CDH4: variants seen among roughly 807,000 people sequenced by gnomAD.
CDH4 encodes the protein cadherin-4.
Under a neutral mutation model 86.0 loss-of-function variants are expected in CDH4, and 33 were observed. The observed-to-expected ratio is 0.38, with a 90% CI of 0.29 to 0.51. CDH4 has a LOEUF of 0.51. Ranked by LOEUF, CDH4 falls within the 20% of genes least tolerant of loss-of-function variation. The pLI is 0.86. For synonymous variants in CDH4, 555 were observed against 549.4 expected, an observed-to-expected ratio of 1.01 and a Z score of -0.14; for missense variants, 1,114 against 1,307.4, an observed-to-expected ratio of 0.85 and a Z score of 2.28.
At chr20:61,549,641 G>A (rs747074963) in intron 2 of CDH4, among the ~76,000 whole-genome samples, 5 of 152,310 alleles carry the variant, frequency 3.3e-5, no homozygotes, top group South Asian at 4.1e-4. Context: ...GGGAAAGGAC[G>A]TCAAGCACGT....
intron 2 of CDH4, among the ~76,000 whole-genome samples, chr20:61,539,948 C>T (rs1171089777): frequency 6.6e-6 from 1 of 152,210 alleles, no homozygotes; most frequent in East Asian, 1.9e-4. Context: ...CACCACATTC[C>T]CTGTCCAATT....
intron 2 of CDH4, among the ~76,000 whole-genome samples, chr20:61,526,618 A>G (rs926793034): frequency 1.3e-5 from 2 of 150,318 alleles, no homozygotes; most frequent in African/African-American, 2.4e-5. Flanking sequence ...ATCTAGCATT[A>G]GGTATATCTC....
At chr20:61,908,608 C>T (rs543824408) in intron 8 of CDH4, among the ~76,000 whole-genome samples, 2 of 152,316 alleles carry the variant, frequency 1.3e-5, no homozygotes, top group East Asian at 1.9e-4. Context: ...GCCCGACGCC[C>T]GTTTCCCACC....
intron 4 of CDH4, among the ~76,000 whole-genome samples, chr20:61,806,622 T>C (rs1980149741): frequency 6.6e-6 from 1 of 152,176 alleles, no homozygotes; most frequent in African/African-American, 2.4e-5. Flanking sequence ...GTGGGGGCTG[T>C]AGCAGAGGCC....
At chr20:61,449,455 T>C (rs2085368644) in intron 2 of CDH4, among the ~76,000 whole-genome samples, 1 of 152,254 alleles carries the variant, frequency 6.6e-6, no homozygotes, top group Non-Finnish European at 1.5e-5. Context: ...CAGCCTGCCT[T>C]CTAGTCTCTC....
chr20:61,394,310 T>G (rs945161729), intron 2 of CDH4, among the ~76,000 whole-genome samples: 1 of 152,130 alleles, frequency 6.6e-6, no homozygotes. Flanking sequence ...CTCCCGCCCC[T>G]GCCTGTCCCT....
rs1056430481 is a variant in CDH4 at position 61,257,613 on chromosome 20, A to G, written c.169+2676A>G. ...CTTTTGTTTTTAGGATAATTCACTT[A>G]TGGCCCTGATCACTGATGCATGGCC... On this transcript the variant is annotated intron_variant, in intron 2 of 15. Transcript: ENST00000614565. Among the ~76,000 whole-genome samples the G allele has an allele frequency of 1.2e-4, 18 of 152,362 alleles. No individual in the cohort carries two copies. In the East Asian group the frequency reaches 3.5e-3, roughly 29 times the overall value.
At chr20:61,329,617 C>T (rs2084560501) in intron 2 of CDH4, among the ~76,000 whole-genome samples, 1 of 151,278 alleles carries the variant, frequency 6.6e-6, no homozygotes, top group Non-Finnish European at 1.5e-5. Flanking sequence ...CTGAGTGAGC[C>T]TGTGCTCTCC....
chr20:61,332,328 C>G (rs188374391), intron 2 of CDH4, among the ~76,000 whole-genome samples: 16 of 152,328 alleles, frequency 1.1e-4, no homozygotes, highest in African/African-American at 3.4e-4. Flanking sequence ...CAGGCTGTTT[C>G]CCTAGAGAGT....
intron 2 of CDH4, among the ~76,000 whole-genome samples, chr20:61,291,800 AAC>A (rs1429079099): frequency 1.3e-5 from 2 of 152,118 alleles, no homozygotes; most frequent in Non-Finnish European, 2.9e-5. Context: ...CACACAGGTT[AAC>A]ACGTGTCACA....
At chr20:61,595,715 C>A (rs1349423674) in intron 2 of CDH4, among the ~76,000 whole-genome samples, 18 of 152,162 alleles carry the variant, frequency 1.2e-4, no homozygotes, top group Admixed American at 1.2e-3. Context: ...AGAGGCGGCC[C>A]GTCTGTCTAA....
intron 2 of CDH4, among the ~76,000 whole-genome samples, chr20:61,467,587 T>A (rs530668891): frequency 6.6e-6 from 1 of 152,346 alleles, no homozygotes; most frequent in Non-Finnish European, 1.5e-5. Context: ...CATCCCTGCC[T>A]CCACTATTTA....
Position 61,785,567 on chromosome 20 carries a change from G to T in CDH4, c.576+12385G>T, listed in dbSNP as rs902641723. On this transcript the variant is annotated intron_variant, in intron 4 of 15. Coordinates refer to ENST00000614565, the MANE Select transcript of CDH4 (RefSeq NM_001794.5). ...GGTGCACAGAGCCCTCACCCAGCTG[G>T]ATAGGGCCCTCACCCAGGTGCGCAG... Among the ~76,000 whole-genome samples, 14 of 151,888 alleles carry T rather than the reference G, an allele frequency of 9.2e-5. 1 individual carries two copies. In the East Asian group the frequency reaches 2.7e-3, roughly 30 times the overall value.
chr20:61,822,679 T>A (rs1227971423), intron 4 of CDH4, among the ~76,000 whole-genome samples: 3 of 152,156 alleles, frequency 2.0e-5, no homozygotes, highest in African/African-American at 7.2e-5. Flanking sequence ...AGCATCTGCA[T>A]AAGTACTTCT....
chr20:61,894,830 G>A (rs1985023642), intron 7 of CDH4, 80 bp from the exon 8 acceptor site: 8 of 1,475,182 alleles, frequency 5.4e-6, no homozygotes, highest in Middle Eastern at 1.8e-4. Flanking sequence ...TCCTGTAAAC[G>A]GATTTCTTTT....
chr20:61,264,272 T>C (rs1486737942), intron 2 of CDH4, among the ~76,000 whole-genome samples: 1 of 152,032 alleles, frequency 6.6e-6, no homozygotes, highest in African/African-American at 2.4e-5. Context: ...AACCCAGTGG[T>C]TCCTTCATTC....
rs1199381090 is a variant in CDH4 at position 61,868,881 on chromosome 20, C to T, written c.878-4847C>T. Among the ~76,000 whole-genome samples the T allele has an allele frequency of 2.0e-5, 3 of 152,252 alleles. No homozygotes were observed. In the East Asian group the frequency reaches 5.8e-4, roughly 29 times the overall value. On this transcript the variant is annotated intron_variant, in intron 6 of 15. Transcript: ENST00000614565. ...GGGGAAGCCCCATCCCAGCCGGGCA[C>T]ACCTGGCCCCCACTGAGCCAAGCCT...
At chr20:61,561,266 G>T (rs1049219029) in intron 2 of CDH4, among the ~76,000 whole-genome samples, 1 of 152,254 alleles carries the variant, frequency 6.6e-6, no homozygotes, top group Non-Finnish European at 1.5e-5. Flanking sequence ...CTGTAGGATG[G>T]GAACTGAGCC....
intron 2 of CDH4, among the ~76,000 whole-genome samples, chr20:61,260,101 G>A (rs975574496): frequency 2.0e-5 from 3 of 152,162 alleles, no homozygotes; most frequent in African/African-American, 4.8e-5. Flanking sequence ...ATGCAGCCTC[G>A]TGCATTCCCT....
Sources: gnomAD v4.1 joint callset for allele counts (sites outside exome capture counted in the v4.1 genomes callset) on GRCh38, gnomAD v4.1.1 for gene constraint, MANE v1.5 for transcripts, NCBI Gene and HGNC (gene_info 2026-07-23, HGNC 2026-07-21) for gene names.